The following GRIN2A variants were observed in gnomAD, a reference collection of about 807,000 sequenced individuals.
GRIN2A encodes the protein glutamate ionotropic receptor NMDA type subunit 2A, also known as glutamate receptor ionotropic, NMDA 2A.
GRIN2A carries 22 observed loss-of-function variants against 113.4 expected under a neutral mutation model. The ratio of observed to expected loss-of-function variants is 0.19; its 90% confidence interval spans 0.14 to 0.28. The LOEUF is 0.28. GRIN2A is among the 10% of genes least tolerant of loss of function. GRIN2A has a pLI of 1.00. For missense variants in GRIN2A, 1,502 were observed against 1,887.0 expected, an observed-to-expected ratio of 0.80 and a Z score of 3.78; for synonymous variants, 827 against 738.4, an observed-to-expected ratio of 1.12 and a Z score of -1.94.
intron 2 of GRIN2A, among the ~76,000 whole-genome samples, chr16:10,170,909 A>C (rs2050028756): frequency 6.6e-6 from 1 of 151,660 alleles, no homozygotes; most frequent in South Asian, 2.1e-4. Context: ...ATTGTGTTGT[A>C]CACCTTTAAT....
At chr16:9,860,612 ACTT>A (rs1362555255) in intron 4 of GRIN2A, among the ~76,000 whole-genome samples, 1 of 152,178 alleles carries the variant, frequency 6.6e-6, no homozygotes, top group Non-Finnish European at 1.5e-5. Flanking sequence ...TGGATTAAAC[ACTT>A]CTTCTCAATG....
At chr16:10,066,339 G>A (rs1329911332) in intron 2 of GRIN2A, among the ~76,000 whole-genome samples, 2 of 152,152 alleles carry the variant, frequency 1.3e-5, no homozygotes, top group Non-Finnish European at 2.9e-5. Context: ...GTCTCATCGT[G>A]TCCTTCTGGA....
At chr16:10,080,652 A>G (rs893216475) in intron 2 of GRIN2A, among the ~76,000 whole-genome samples, 3 of 152,060 alleles carry the variant, frequency 2.0e-5, no homozygotes, top group African/African-American at 7.2e-5. Context: ...TCTATACACC[A>G]CAGAACACAA....
chr16:9,923,341 ATATT>A (rs1279824279), intron 3 of GRIN2A, among the ~76,000 whole-genome samples: 29 of 152,204 alleles, frequency 1.9e-4, no homozygotes, highest in Middle Eastern at 3.4e-3. Flanking sequence ...TTATGCTTTT[ATATT>A]TAAAGTGGGT....
At chr16:10,163,020 T>G (rs2049835414) in intron 2 of GRIN2A, among the ~76,000 whole-genome samples, 1 of 152,212 alleles carries the variant, frequency 6.6e-6, no homozygotes, top group Admixed American at 6.5e-5. Context: ...CTGTGGAGTA[T>G]TTTTTGGTGA....
At chr16:10,108,092 T>G (rs1486664919) in intron 2 of GRIN2A, among the ~76,000 whole-genome samples, 1 of 152,162 alleles carries the variant, frequency 6.6e-6, no homozygotes, top group Non-Finnish European at 1.5e-5. Context: ...AAGAGAAAAT[T>G]GAGTGTATTA....
chr16:9,955,043 G>C (rs189014999), intron 2 of GRIN2A, among the ~76,000 whole-genome samples: 30 of 152,240 alleles, frequency 2.0e-4, no homozygotes, highest in Admixed American at 6.5e-5. Flanking sequence ...GATGAGTTTG[G>C]TGTCATCCCC....
intron 2 of GRIN2A, among the ~76,000 whole-genome samples, chr16:9,981,259 G>C (rs1345940204): frequency 6.6e-6 from 1 of 152,154 alleles, no homozygotes; most frequent in Admixed American, 6.5e-5. Context: ...GCTGCTCAGC[G>C]CCTCCAATCA....
chr16:9,759,929 G>A lies in GRIN2A; in HGVS notation c.*3220C>T, dbSNP rs192984749. 119 of 231,040 alleles carry A rather than the reference G, an allele frequency of 5.2e-4. No homozygotes were observed. The highest frequency in any genetic ancestry group is 8.8e-4 in the Non-Finnish European group (103 of 116,690). 14.3% of individuals were successfully genotyped at this position (231,040 alleles called of 1,614,324 possible). A position where few individuals can be genotyped will look rare whatever the true frequency, so the allele number is the denominator to read the frequency against. On this transcript the variant is annotated 3_prime_UTR_variant, in exon 13 of 13. Coordinates refer to ENST00000330684, the MANE Select transcript of GRIN2A (RefSeq NM_001134407.3). The stretch of plus-strand genomic sequence containing the variant: ...GCTCTAGAAGACTCTCTTACCCAGA[G>A]TATTTTAAATTGGTTGCATGTGCGT...
chr16:10,175,806 T>TG (rs762690622), intron 2 of GRIN2A, among the ~76,000 whole-genome samples: 1 of 151,882 alleles, frequency 6.6e-6, no homozygotes, highest in Non-Finnish European at 1.5e-5. Context: ...GGAGAAGTGA[T>TG]GGGGGGTGAG....
chr16:9,949,235 A>C (rs9923995), intron 2 of GRIN2A, among the ~76,000 whole-genome samples: 6,540 of 152,316 alleles, frequency 0.043, 237 homozygotes, highest in African/African-American at 0.099. Flanking sequence ...GTAATAGCAC[A>C]CAGCCCAGCT....
chr16:10,181,035 C>A (rs2050259717), intron 1 of GRIN2A, among the ~76,000 whole-genome samples: 1 of 152,216 alleles, frequency 6.6e-6, no homozygotes, highest in Non-Finnish European at 1.5e-5. Flanking sequence ...CAACTACAGA[C>A]CCGGCTCCTC....
At chr16:9,966,843 A>G (rs114548006) in intron 2 of GRIN2A, among the ~76,000 whole-genome samples, 212 of 152,292 alleles carry the variant, frequency 1.4e-3, no homozygotes, top group African/African-American at 5.0e-3. Flanking sequence ...TGGGCCTGAG[A>G]ATGTGCATAT....
At chr16:10,168,434 T>C (rs1164698456) in intron 2 of GRIN2A, among the ~76,000 whole-genome samples, 1 of 152,164 alleles carries the variant, frequency 6.6e-6, no homozygotes, top group Non-Finnish European at 1.5e-5. Context: ...TGGAGATCTT[T>C]TTTTAAAAAT....
chr16:10,047,455 T>C (rs1197290917), intron 2 of GRIN2A, among the ~76,000 whole-genome samples: 3 of 152,332 alleles, frequency 2.0e-5, no homozygotes, highest in Admixed American at 1.3e-4. Flanking sequence ...TTGCATACTA[T>C]TGTGTTCTTG....
chr16:10,032,654 GTAGGCACACCCC>G (rs2046950991), intron 2 of GRIN2A, among the ~76,000 whole-genome samples: 1 of 152,194 alleles, frequency 6.6e-6, no homozygotes, highest in Admixed American at 6.5e-5. Flanking sequence ...AAACTTTCCA[GTAGGCACACCCC>G]TAGAAAGTGG....
chr16:9,965,864 G>A (rs1028716686), intron 2 of GRIN2A, among the ~76,000 whole-genome samples: 1 of 152,174 alleles, frequency 6.6e-6, no homozygotes, highest in African/African-American at 2.4e-5. Flanking sequence ...CTGCCTTTGT[G>A]CTATAGCAGC....
chr16:10,036,132 CAG>C (rs139472674), intron 2 of GRIN2A, among the ~76,000 whole-genome samples: 13,856 of 152,240 alleles, frequency 0.091, 713 homozygotes, highest in Non-Finnish European at 0.11. Flanking sequence ...TAACTGAGAT[CAG>C]GGGTTTTTCT....
chr16:10,099,917 G>C (rs1264703834), intron 2 of GRIN2A, among the ~76,000 whole-genome samples: 1 of 151,806 alleles, frequency 6.6e-6, no homozygotes, highest in Non-Finnish European at 1.5e-5. Context: ...CATTCTTACG[G>C]AGCTTCATTG....
Sources: gnomAD v4.1 joint callset for allele counts (sites outside exome capture counted in the v4.1 genomes callset) on GRCh38, gnomAD v4.1.1 for gene constraint, MANE v1.5 for transcripts, NCBI Gene and HGNC (gene_info 2026-07-23, HGNC 2026-07-21) for gene names.